The following PALLD variants were observed in gnomAD, a reference collection of about 807,000 sequenced individuals.
PALLD encodes the protein palladin, cytoskeletal associated protein, also known as palladin.
A neutral mutation model predicts 123.5 loss-of-function variants in PALLD; 61 were observed. The observed-to-expected ratio is 0.49, with a 90% CI of 0.40 to 0.61. PALLD has a LOEUF of 0.61. Ranked by LOEUF, PALLD falls within the 20% of genes least tolerant of loss-of-function variation. The pLI, the probability that PALLD is intolerant of heterozygous loss-of-function variation, is 0.00. For missense variants in PALLD, 1,273 were observed against 1,377.0 expected, an observed-to-expected ratio of 0.92 and a Z score of 1.20; for synonymous variants, 465 against 496.4, an observed-to-expected ratio of 0.94 and a Z score of 0.84.
intron 10 of PALLD, among the ~76,000 whole-genome samples, chr4:168,779,185 A>C (rs377339615): frequency 2.6e-5 from 4 of 152,242 alleles, no homozygotes; most frequent in Non-Finnish European, 5.9e-5. Context: ...ATAAGGAGGC[A>C]TACATTTGTT....
intron 10 of PALLD, among the ~76,000 whole-genome samples, chr4:168,875,664 G>A (rs1257432995): frequency 2.6e-5 from 4 of 152,162 alleles, no homozygotes; most frequent in African/African-American, 4.8e-5. Context: ...GAAATGCTAC[G>A]TTAATAATTT....
At chr4:168,606,530 T>C (rs980018817) in intron 2 of PALLD, among the ~76,000 whole-genome samples, 72 of 151,950 alleles carry the variant, frequency 4.7e-4, no homozygotes, top group African/African-American at 1.7e-3. Flanking sequence ...AAAAATTAGC[T>C]GGGCATGGTA....
At chr4:168,753,753 C>T (rs1372974109) in intron 10 of PALLD, among the ~76,000 whole-genome samples, 1 of 152,134 alleles carries the variant, frequency 6.6e-6, no homozygotes, top group Non-Finnish European at 1.5e-5. Flanking sequence ...ACTTGCCAGC[C>T]GTGTGACCGA....
At chr4:168,830,553 G>A (rs947154349) in intron 10 of PALLD, among the ~76,000 whole-genome samples, 3 of 151,876 alleles carry the variant, frequency 2.0e-5, no homozygotes, top group Admixed American at 1.3e-4. Flanking sequence ...TTACAAAATT[G>A]TATGGAAACA....
Position 168,512,263 on chromosome 4 carries a change from C to T in PALLD, c.759C>T (p.His253=), listed in dbSNP as rs184223203. The T allele has an allele frequency of 3.7e-6, 6 of 1,614,162 alleles. No individual in the cohort carries two copies. The highest frequency in any genetic ancestry group is 3.3e-4 in the Middle Eastern group (2 of 6,062). The part of the protein sequence containing the change: ...YQDNQDLAVP[H]NRKSHPQPHS... ...ACAACCAGGACTTGGCAGTGCCACA[C>T]AACCGCAAGTCTCACCCACAGCCCC... Residue 253 remains histidine (H), a synonymous_variant, in exon 2 of 22, where the codon CAC becomes CAT. Coordinates refer to ENST00000505667, the MANE Select transcript of PALLD (RefSeq NM_001166108.2).
chr4:168,815,178 A>G (rs1234883852), intron 10 of PALLD, among the ~76,000 whole-genome samples: 1 of 152,200 alleles, frequency 6.6e-6, no homozygotes, highest in Non-Finnish European at 1.5e-5. Flanking sequence ...GACAGATTTC[A>G]TTTCTCATGG....
intron 10 of PALLD, among the ~76,000 whole-genome samples, chr4:168,792,625 G>A (rs912159794): frequency 2.6e-5 from 4 of 151,998 alleles, no homozygotes; most frequent in Admixed American, 6.6e-5. Flanking sequence ...AGGTGAGCCT[G>A]TATAGCCTGG....
At chr4:168,679,815 C>T (rs1288428624) in intron 3 of PALLD, among the ~76,000 whole-genome samples, 1 of 151,728 alleles carries the variant, frequency 6.6e-6, no homozygotes, top group Non-Finnish European at 1.5e-5. Context: ...AAAATCTAGC[C>T]GACACAGGGA....
At chr4:168,633,909 T>G (rs1776083590) in intron 2 of PALLD, among the ~76,000 whole-genome samples, 1 of 152,210 alleles carries the variant, frequency 6.6e-6, no homozygotes, top group Non-Finnish European at 1.5e-5. Context: ...TTACCATCCC[T>G]TCAAAGTCTG....
At chr4:168,591,311 GT>G (rs1771406463) in intron 2 of PALLD, among the ~76,000 whole-genome samples, 1 of 152,166 alleles carries the variant, frequency 6.6e-6, no homozygotes, top group South Asian at 2.1e-4. Context: ...GCCTGCTGAG[GT>G]GCACAACATA....
chr4:168,633,677 A>G (rs1418476809), intron 2 of PALLD, among the ~76,000 whole-genome samples: 15 of 152,354 alleles, frequency 9.8e-5, no homozygotes, highest in Non-Finnish European at 2.2e-4. Flanking sequence ...GGCTAAAATT[A>G]GAAACTACAA....
intron 10 of PALLD, among the ~76,000 whole-genome samples, chr4:168,836,009 G>A (rs571368460): frequency 2.6e-5 from 4 of 152,302 alleles, no homozygotes; most frequent in South Asian, 2.1e-4. Context: ...GCCTAACTCC[G>A]TGGACTACTT....
chr4:168,711,248 G>A (rs1210775288), intron 9 of PALLD, among the ~76,000 whole-genome samples: 1 of 152,188 alleles, frequency 6.6e-6, no homozygotes, highest in Non-Finnish European at 1.5e-5. Flanking sequence ...AACGTGAGAG[G>A]ACAAAGCATT....
At chr4:168,693,376 A>G (rs1484553903) in intron 8 of PALLD, among the ~76,000 whole-genome samples, 1 of 152,174 alleles carries the variant, frequency 6.6e-6, no homozygotes, top group Non-Finnish European at 1.5e-5. Context: ...TGAATTATTT[A>G]ATAAAATTAG....
intron 1 of PALLD, among the ~76,000 whole-genome samples, chr4:168,501,177 C>A (rs1243193305): frequency 6.6e-6 from 1 of 152,104 alleles, no homozygotes; most frequent in Non-Finnish European, 1.5e-5. Flanking sequence ...ACTCAGGAGC[C>A]TGAGGCAGGA....
intron 2 of PALLD, among the ~76,000 whole-genome samples, chr4:168,633,955 A>G (rs35260507): frequency 0.12 from 18,337 of 152,234 alleles, 1,379 homozygotes; most frequent in East Asian, 0.24. Context: ...TTAAAAAAAT[A>G]ATAATAATAA....
At chr4:168,777,737 T>C (rs1337305644) in intron 10 of PALLD, among the ~76,000 whole-genome samples, 1 of 152,208 alleles carries the variant, frequency 6.6e-6, no homozygotes, top group Non-Finnish European at 1.5e-5. Context: ...AGCAGTAACT[T>C]ACTTCCTTGG....
chr4:168,870,933 T>G (rs1056983525), intron 10 of PALLD, among the ~76,000 whole-genome samples: 6 of 152,054 alleles, frequency 3.9e-5, no homozygotes, highest in African/African-American at 1.2e-4. Context: ...GAACAGGGAG[T>G]TTTACATTGT....
At chr4:168,789,095 T>C (rs1737146525) in intron 10 of PALLD, among the ~76,000 whole-genome samples, 2 of 152,370 alleles carry the variant, frequency 1.3e-5, no homozygotes, top group South Asian at 2.1e-4. Context: ...TTTGGAACTT[T>C]ATATAAGAGG....
Sources: allele counts gnomAD v4.1 joint callset (sites outside exome capture counted in the v4.1 genomes callset), GRCh38; gene constraint gnomAD v4.1.1; transcripts MANE v1.5; gene names NCBI Gene and HGNC (gene_info 2026-07-23, HGNC 2026-07-21).